The following OGG1 variants were observed in gnomAD, a reference collection of about 807,000 sequenced individuals.
The protein encoded by OGG1 is 8-oxoguanine DNA glycosylase.
In OGG1, 35 loss-of-function variants were observed where a neutral mutation model predicts 42.3. That is an observed-to-expected ratio of 0.83 (90% CI 0.63 to 1.10). The LOEUF is 1.10. Among genes scored for constraint, OGG1 ranks in the 50% least tolerant of loss-of-function variants. OGG1 has a pLI of 0.00. For missense variants in OGG1, 484 were observed against 446.7 expected, an observed-to-expected ratio of 1.08 and a Z score of -0.75; for synonymous variants, 189 against 179.0, an observed-to-expected ratio of 1.06 and a Z score of -0.44.
rs142164589 is a variant in OGG1, at chr3:9,765,455, C to A, written c.1049-354C>A. ...ACTTGAGGTAGGTCCAGAGACAACA[C>A]CAACTGAGATATGTGGGTCCAAGCC... is the stretch of plus-strand genomic sequence containing the variant. On this transcript the variant is annotated intron_variant, in intron 7 of 7. Coordinates refer to the OGG1 transcript ENST00000302008. Among the ~76,000 whole-genome samples, 119 of 152,210 alleles carry A rather than the reference C, an allele frequency of 7.8e-4. 1 individual carries two copies. The highest frequency in any genetic ancestry group is 2.8e-3 in the African/African-American group (115 of 41,546).
chr3:9,779,158 C>A (rs2078405310), intron 2 of OGG1, among the ~76,000 whole-genome samples: 1 of 152,136 alleles, frequency 6.6e-6, no homozygotes, highest in Admixed American at 6.6e-5. Context: ...TCCCTGTTTC[C>A]TACTCAGATC....
intron 2 of OGG1, chr3:9,780,170 C>T (rs2078426039): frequency 3.6e-6 from 2 of 553,876 alleles, no homozygotes; most frequent in Admixed American, 3.4e-5. Flanking sequence ...GCTAGCCCAG[C>T]AGGGCTTCCT....
downstream of OGG1, chr3:9,789,621 G>A (rs772223996): frequency 6.2e-7 from 1 of 1,613,624 alleles, no homozygotes; most frequent in Non-Finnish European, 8.5e-7. Flanking sequence ...GAACCTGCAG[G>A]GAGAAGCAGA....
chr3:9,790,654 A>C (rs923893596), downstream of OGG1, among the ~76,000 whole-genome samples: 11 of 152,326 alleles, frequency 7.2e-5, no homozygotes, highest in East Asian at 2.1e-3. Context: ...GTAGCAAATA[A>C]ATAACATCTG....
intron 3 of OGG1, among the ~76,000 whole-genome samples, chr3:9,753,584 G>A (rs1279988610): frequency 2.0e-5 from 3 of 151,716 alleles, no homozygotes; most frequent in Non-Finnish European, 2.9e-5. Context: ...AACCCGGGAG[G>A]CGAAGCTTGC....
chr3:9,785,754 A>G (rs1451786667), intron 3 of OGG1, among the ~76,000 whole-genome samples: 1 of 152,184 alleles, frequency 6.6e-6, no homozygotes, highest in Non-Finnish European at 1.5e-5. Flanking sequence ...AGCTGTCCGA[A>G]TGCCATACTC....
Position 9,750,276 on chromosome 3 carries a change from C to G in OGG1, c.-11C>G. 1 of 1,608,082 alleles carries G rather than the reference C, an allele frequency of 6.2e-7. No homozygotes were observed. The highest frequency in any genetic ancestry group is 8.5e-7 in the Non-Finnish European group (1 of 1,176,800). ...AGGCGGGGCTACTACGGGGCGGTGC[C>G]TGCTGTGGAAATGCCTGCCCGCGCG... is the stretch of plus-strand genomic sequence containing the variant. On this transcript the variant is annotated 5_prime_UTR_variant, in exon 1 of 7. Transcript: ENST00000344629.
exon 4 of OGG1, chr3:9,787,806 TA>T: frequency 1.1e-6 from 1 of 946,194 alleles, no homozygotes; most frequent in Non-Finnish European, 1.5e-6. Context: ...AGAGACTGAC[TA>T]ACTTTCTGCT....
At chr3:9,789,083 GC>G (rs2078681008), downstream of OGG1, among the ~76,000 whole-genome samples, 1 of 152,116 alleles carries the variant, frequency 6.6e-6, no homozygotes, top group South Asian at 2.1e-4. Context: ...CAATCTGCCC[GC>G]CCCGGCCTCC....
At chr3:9,761,964 T>TAGA, downstream of OGG1, 1 of 622,436 alleles carries the variant, frequency 1.6e-6, no homozygotes, top group Non-Finnish European at 2.7e-6. Flanking sequence ...GGGGGAACTG[T>TAGA]CTCTAAACCT....
At chr3:9,760,787 A>G (rs1484234040), downstream of OGG1, 1 of 1,611,588 alleles carries the variant, frequency 6.2e-7, no homozygotes, top group Non-Finnish European at 8.5e-7. Context: ...GGAGAAACTC[A>G]TCCTCATTTC....
At chr3:9,778,809 C>T (rs1409730905) in intron 2 of OGG1, among the ~76,000 whole-genome samples, 1 of 152,124 alleles carries the variant, frequency 6.6e-6, no homozygotes, top group Non-Finnish European at 1.5e-5. Flanking sequence ...CATGTGTGCA[C>T]CCTAGTTTGG....
chr3:9,775,929 G>A (rs13433856), intron 2 of OGG1, among the ~76,000 whole-genome samples: 3,355 of 152,144 alleles, frequency 0.022, 141 homozygotes, highest in African/African-American at 0.077. Flanking sequence ...TGTGAGCCAC[G>A]GCGCCTGACT....
chr3:9,772,832 G>T (rs1047615482), intron 2 of OGG1, among the ~76,000 whole-genome samples: 1 of 152,128 alleles, frequency 6.6e-6, no homozygotes, highest in East Asian at 1.9e-4. Context: ...CTCTCAGCCG[G>T]GCCCCCACCA....
exon 8 of OGG1, chr3:9,766,320 T>C: frequency 1.4e-6 from 1 of 693,628 alleles, no homozygotes; most frequent in South Asian, 1.5e-5. Context: ...GCCTGAGGTC[T>C]ACCCCTGGGC....
chr3:9,786,770 G>C (rs1019752558), intron 3 of OGG1, among the ~76,000 whole-genome samples: 1 of 152,130 alleles, frequency 6.6e-6, no homozygotes, highest in South Asian at 2.1e-4. Flanking sequence ...CTCCAGGCTG[G>C]TAATACAAGC....
chr3:9,754,661 C>G, intron 3 of OGG1, 43 bp from the exon 4 acceptor site: 1 of 1,605,944 alleles, frequency 6.2e-7, no homozygotes, highest in Non-Finnish European at 8.5e-7. Context: ...ACAGGAAGAA[C>G]TTGAAGATGC....
At chr3:9,760,561 C>G, downstream of OGG1, 1 of 1,284,766 alleles carries the variant, frequency 7.8e-7, no homozygotes, top group Non-Finnish European at 1.1e-6. Flanking sequence ...GCTGGAAAAT[C>G]CGACAGAAGG....
chr3:9,785,178 A>G (rs1447382100), intron 3 of OGG1: 9 of 613,030 alleles, frequency 1.5e-5, no homozygotes, highest in Non-Finnish European at 2.4e-5. Flanking sequence ...CTGGGTCATC[A>G]CTCACACTTG....
Sources: gnomAD v4.1 joint callset for allele counts (sites outside exome capture counted in the v4.1 genomes callset) on GRCh38, gnomAD v4.1.1 for gene constraint, MANE v1.5 for transcripts, NCBI Gene and HGNC (gene_info 2026-07-23, HGNC 2026-07-21) for gene names.